The following PLXNA1 variants were observed in gnomAD, a reference collection of about 807,000 sequenced individuals.
PLXNA1 encodes the protein plexin A1, also known as plexin-A1.
In PLXNA1, 77 loss-of-function variants were observed where a neutral mutation model predicts 191.7. The observed-to-expected ratio is 0.40, with a 90% CI of 0.33 to 0.49. PLXNA1 has a LOEUF of 0.49. Among genes scored for constraint, PLXNA1 ranks in the 20% least tolerant of loss-of-function variants. PLXNA1 has a pLI of 0.63. For synonymous variants in PLXNA1, 1,137 were observed against 1,156.4 expected, an observed-to-expected ratio of 0.98 and a Z score of 0.34; for missense variants, 2,110 against 2,660.2, an observed-to-expected ratio of 0.79 and a Z score of 4.55.
intron 3 of PLXNA1, among the ~76,000 whole-genome samples, chr3:126,993,654 G>A (rs909258271): frequency 2.0e-5 from 3 of 152,232 alleles, no homozygotes; most frequent in Non-Finnish European, 2.9e-5. Context: ...CGTGGGCCAT[G>A]TGTGAGTGGC....
At position 126,989,416 on chromosome 3, in the gene PLXNA1, G is replaced by A. The variant is rs753771351; in HGVS notation, c.823G>A (p.Glu275Lys). The A allele has an allele frequency of 1.2e-6, 2 of 1,613,552 alleles. No individual in the cohort carries two copies. Among genetic ancestry groups the A allele is most frequent in the Non-Finnish European group, 1.7e-6 (2 of 1,180,046 alleles). Residue 275 changes from glutamate to lysine, a missense_variant, in exon 2 of 32, where the codon GAG becomes AAG. Glu to Lys is a moderately conservative substitution (Grantham distance 56). Transcript: ENST00000393409. ...GCTGACCTCGCCTGATGCCGCCGGC[G>A]AGCACTTCTTCACGTCCAAGATCGT... ...TQLTSPDAAG[E>K]HFFTSKIVRL...
intron 3 of PLXNA1, among the ~76,000 whole-genome samples, chr3:127,000,002 C>T (rs988186128): frequency 1.1e-4 from 17 of 151,992 alleles, no homozygotes; most frequent in Middle Eastern, 3.4e-3. Flanking sequence ...TCCCGTGTTC[C>T]GCCAGCCAGG....
At chr3:126,993,714 G>T (rs1283221938) in intron 3 of PLXNA1, among the ~76,000 whole-genome samples, 1 of 152,248 alleles carries the variant, frequency 6.6e-6, no homozygotes, top group African/African-American at 2.4e-5. Context: ...TGCTGGCCTG[G>T]CAGAGTCTGC....
intron 3 of PLXNA1, among the ~76,000 whole-genome samples, chr3:126,997,699 G>T (rs780652524): frequency 5.3e-5 from 8 of 152,274 alleles, no homozygotes; most frequent in Non-Finnish European, 1.2e-4. Context: ...GCGACCTGCT[G>T]TTTGCCCTGT....
At chr3:126,983,358 GC>G (rs1361989657) in intron 1 of PLXNA1, among the ~76,000 whole-genome samples, 71 bp downstream of exon 1, 1 of 145,010 alleles carries the variant, frequency 6.9e-6, no homozygotes, top group Non-Finnish European at 1.5e-5. Context: ...GGGGTCCGGG[GC>G]CGGGCGGCCC....
At chr3:126,993,214 C>T (rs1444150775) in intron 3 of PLXNA1, among the ~76,000 whole-genome samples, 1 of 152,230 alleles carries the variant, frequency 6.6e-6, no homozygotes. Context: ...AACTGAGGTA[C>T]AGAACAGGGA....
At chr3:127,015,042 G>T in intron 14 of PLXNA1, 142 bp from the exon 15 acceptor site, 1 of 1,361,176 alleles carries the variant, frequency 7.3e-7, no homozygotes. Context: ...TGGAAGTACT[G>T]GCTCTGAAGT....
chr3:127,018,609 G>A (rs769686640), intron 20 of PLXNA1, 81 bp downstream of exon 20: 115 of 1,058,046 alleles, frequency 1.1e-4, no homozygotes, highest in Admixed American at 1.9e-4. Context: ...ACTTCCCACC[G>A]CCGCCCCCAC....
intron 29 of PLXNA1, among the ~76,000 whole-genome samples, chr3:127,031,180 T>C (rs2079208780): frequency 6.6e-6 from 1 of 152,178 alleles, no homozygotes; most frequent in Non-Finnish European, 1.5e-5. Context: ...GCCCTTGGCC[T>C]CACTCCTTAC....
chr3:127,014,258 A>T lies in PLXNA1; in HGVS notation c.2487A>T (p.Gly829=), dbSNP rs777645769. 1.9e-5 allele frequency: 31 copies of T among 1,600,084 alleles called. No individual in the cohort carries two copies. Among genetic ancestry groups the T allele is most frequent in the African/African-American group, 2.7e-5 (2 of 74,658 alleles). ...CLKADPRFEC[G]WCVAERRCSL... is the part of the protein sequence containing the mutation. ...AGGCCGACCCGCGCTTCGAGTGCGG[A>T]TGGTGCGTGGCCGAGCGCCGCTGCT... Residue 829 remains glycine, a synonymous_variant, in exon 12 of 32, where the codon GGA becomes GGT. Coordinates refer to ENST00000393409, the MANE Select transcript of PLXNA1 (RefSeq NM_032242.4).
intron 10 of PLXNA1, among the ~76,000 whole-genome samples, chr3:127,013,494 G>A (rs986836168): frequency 1.3e-5 from 2 of 152,234 alleles, no homozygotes; most frequent in Non-Finnish European, 2.9e-5. Flanking sequence ...AGGCTCCCGG[G>A]GAGGGGCAGT....
In PLXNA1 at chr3:127,028,079, A is replaced by G; in HGVS notation, c.4502A>G (p.Lys1501Arg). The G allele has an allele frequency of 2.5e-6, 4 of 1,614,008 alleles. No homozygotes were observed. Among genetic ancestry groups the G allele is most frequent in the Non-Finnish European group, 3.4e-6 (4 of 1,179,998 alleles). Reference protein sequence around the residue: ...DKLIRQQIDYKTLTLNCVNPE... With the variant: ...DKLIRQQIDYRTLTLNCVNPE... ...CTCATCCGGCAGCAGATTGACTACA[A>G]GACACTGGTGAGCGTGGCTGCCCTC... The change falls in exon 24 of 32, where the codon AAG becomes AGG. Residue 1501 changes from lysine to arginine, a missense_variant. Around this residue, in one of 4 missense-constraint regions of PLXNA1, gnomAD observed 559 missense variants for 911.5 expected, o/e 0.61. Transcript: ENST00000393409.
At position 127,017,890 on chromosome 3, in the gene PLXNA1, A is replaced by G; in HGVS notation, c.3658A>G (p.Thr1220Ala). ...CAACCTCACTGGGCAGCACAAGGTC[A>G]CGGTGCGTCTGTCCACCGGGGGTGC... Reference protein sequence around the residue: ...APNLTGQHKVTVRAGGFEFSP... With the variant: ...APNLTGQHKVAVRAGGFEFSP... The change falls in exon 19 of 32, where the codon ACG (threonine) becomes GCG (alanine). Residue 1220 changes from threonine (T) to alanine (A), a missense_variant and splice_region_variant. Thr to Ala is a moderately conservative substitution (Grantham distance 58, BLOSUM62 0). This residue lies in a region of PLXNA1 where 644 missense variants were observed against 714.3 expected (regional missense o/e 0.90). Transcript: ENST00000393409. 1 of 1,612,150 alleles carries G rather than the reference A, an allele frequency of 6.2e-7. No individual in the cohort carries two copies.
At chr3:127,020,394 T>G in intron 21 of PLXNA1, 50 bp downstream of exon 21, 1 of 1,597,526 alleles carries the variant, frequency 6.3e-7, no homozygotes, top group Non-Finnish European at 8.5e-7. Flanking sequence ...GCAGCTGCTA[T>G]CTTCTGCCTT....
chr3:127,009,013 C>T (rs2107629211), intron 9 of PLXNA1, among the ~76,000 whole-genome samples: 1 of 152,230 alleles, frequency 6.6e-6, no homozygotes, highest in African/African-American at 2.4e-5. Context: ...AAGAGCCAGG[C>T]CAAGGTGTCC....
chr3:127,018,001 C>T (rs2079133258), intron 19 of PLXNA1, 109 bp downstream of exon 19: 2 of 1,438,264 alleles, frequency 1.4e-6, no homozygotes, highest in Non-Finnish European at 1.9e-6. Flanking sequence ...TCACCCCTAG[C>T]TCAGAGGGCG....
intron 3 of PLXNA1, among the ~76,000 whole-genome samples, chr3:126,998,503 A>G (rs2079025159): frequency 6.6e-6 from 1 of 152,068 alleles, no homozygotes; most frequent in South Asian, 2.1e-4. Flanking sequence ...GAGCCCAGGC[A>G]GTGGTATGTG....
intron 23 of PLXNA1, 34 bp downstream of exon 23, chr3:127,022,852 G>A (rs757704650): frequency 2.0e-5 from 31 of 1,571,394 alleles, no homozygotes; most frequent in Middle Eastern, 1.7e-4. Flanking sequence ...GGTGTCAGAG[G>A]CAGGTGAACA....
Position 126,988,574 on chromosome 3 carries a change from G to A in PLXNA1, c.-20G>A, listed in dbSNP as rs2078972354. 2.0e-6 allele frequency: 3 copies of A among 1,468,914 alleles called. No homozygotes were observed. The highest frequency in any genetic ancestry group is 1.8e-6 in the Non-Finnish European group (2 of 1,114,290). The allele number at this position is 1,468,914 out of a possible 1,614,324, so 91.0% of individuals were successfully genotyped here. A position where few individuals can be genotyped will look rare whatever the true frequency, so the allele number is the denominator to read the frequency against. ...ACCCCAGCAGGACCAGAGCACCGAGGCCCAAGGCCCCAGCCTGCCATGCCG... is the reference window on the plus strand; with the variant it reads ...ACCCCAGCAGGACCAGAGCACCGAGACCCAAGGCCCCAGCCTGCCATGCCG... On this transcript the variant is annotated 5_prime_UTR_variant, in exon 2 of 32. Coordinates refer to ENST00000393409, the MANE Select transcript of PLXNA1 (RefSeq NM_032242.4).
Sources: gnomAD v4.1 joint callset for allele counts (sites outside exome capture counted in the v4.1 genomes callset) on GRCh38, gnomAD v4.1.1 for gene constraint, gnomAD v4.1.1 regional missense constraint, MANE v1.5 for transcripts, NCBI Gene and HGNC (gene_info 2026-07-23, HGNC 2026-07-21) for gene names.